The following AKT3 variants were observed in gnomAD, a reference collection of about 807,000 sequenced individuals.
AKT3 encodes the protein RAC-gamma serine/threonine-protein kinase.
A neutral mutation model predicts 65.3 loss-of-function variants in AKT3; 15 were observed. That is an observed-to-expected ratio of 0.23 (90% CI 0.15 to 0.35). The LOEUF (loss-of-function observed/expected upper bound fraction) is 0.35. AKT3 is among the 10% of genes least tolerant of loss of function. The pLI is 1.00. For synonymous variants in AKT3, 206 were observed against 183.8 expected, an observed-to-expected ratio of 1.12 and a Z score of -0.98; for missense variants, 243 against 576.5, an observed-to-expected ratio of 0.42 and a Z score of 5.92.
intron 2 of AKT3, among the ~76,000 whole-genome samples, chr1:243,744,314 A>G (rs926679305): frequency 2.0e-5 from 3 of 152,236 alleles, no homozygotes; most frequent in Non-Finnish European, 4.4e-5. Flanking sequence ...GGGAAGGCTT[A>G]TAAGGTAGTG....
intron 2 of AKT3, among the ~76,000 whole-genome samples, chr1:243,806,171 G>A (rs539958020): frequency 2.6e-5 from 4 of 152,106 alleles, no homozygotes; most frequent in African/African-American, 9.6e-5. Context: ...TGACTTCCTA[G>A]TTCTCCCTTC....
chr1:243,628,996 G>C (rs575221826), intron 6 of AKT3, among the ~76,000 whole-genome samples: 1 of 152,346 alleles, frequency 6.6e-6, no homozygotes, highest in Non-Finnish European at 1.5e-5. Context: ...AAATGGATGT[G>C]CCAGGCATGG....
intron 3 of AKT3, among the ~76,000 whole-genome samples, chr1:243,694,585 C>A (rs1047231539): frequency 6.6e-6 from 1 of 151,076 alleles, no homozygotes; most frequent in African/African-American, 2.4e-5. Flanking sequence ...TCTTTTAACC[C>A]TTTGGTTTAT....
chr1:243,608,990 G>C (rs929236883), intron 8 of AKT3, among the ~76,000 whole-genome samples: 2 of 151,670 alleles, frequency 1.3e-5, no homozygotes. Flanking sequence ...CTGACCTCGT[G>C]ATCTGCCCGC....
intron 6 of AKT3, among the ~76,000 whole-genome samples, chr1:243,625,429 G>A (rs796767170): frequency 6.6e-6 from 1 of 152,112 alleles, no homozygotes; most frequent in East Asian, 1.9e-4. Flanking sequence ...CACTGCGCCT[G>A]GCCCAGTCTG....
intron 2 of AKT3, among the ~76,000 whole-genome samples, chr1:243,726,749 T>C (rs1316393716): frequency 6.6e-6 from 1 of 152,226 alleles, no homozygotes; most frequent in African/African-American, 2.4e-5. Context: ...ATCAAACTTA[T>C]GTTTTTATTT....
intron 6 of AKT3, among the ~76,000 whole-genome samples, chr1:243,626,691 A>T (rs752325178): frequency 5.3e-5 from 8 of 152,238 alleles, no homozygotes; most frequent in Non-Finnish European, 1.0e-4. Flanking sequence ...TCTGATTCCA[A>T]AACCTATTGG....
chr1:243,802,058 T>C (rs1692410751), intron 2 of AKT3, among the ~76,000 whole-genome samples: 1 of 152,206 alleles, frequency 6.6e-6, no homozygotes, highest in Non-Finnish European at 1.5e-5. Flanking sequence ...ATTATTTCCT[T>C]TGGTTTTCAC....
chr1:243,769,108 T>C (rs1375835768), intron 2 of AKT3, among the ~76,000 whole-genome samples: 17 of 152,234 alleles, frequency 1.1e-4, no homozygotes. Context: ...ATGTAGCCTT[T>C]TGTGTGTAGT....
upstream of AKT3, among the ~76,000 whole-genome samples, chr1:243,850,734 GT>G (rs1230974497): frequency 6.6e-6 from 1 of 151,350 alleles, no homozygotes; most frequent in African/African-American, 2.4e-5. Flanking sequence ...CCCGGCCCTC[GT>G]CCTCAGGCTT....
At chr1:243,763,376 T>C (rs1373038756) in intron 2 of AKT3, among the ~76,000 whole-genome samples, 1 of 152,092 alleles carries the variant, frequency 6.6e-6, no homozygotes, top group African/African-American at 2.4e-5. Context: ...CTTTATCAAT[T>C]ATATTCAATG....
At chr1:243,822,208 CAAG>C (rs1180984560) in intron 2 of AKT3, among the ~76,000 whole-genome samples, 1 of 152,042 alleles carries the variant, frequency 6.6e-6, no homozygotes, top group African/African-American at 2.4e-5. Flanking sequence ...AGGCAGAAAT[CAAG>C]AAGTTCCTTG....
chr1:243,590,980 A>T (rs774596365), intron 8 of AKT3, among the ~76,000 whole-genome samples: 1 of 152,184 alleles, frequency 6.6e-6, no homozygotes, highest in Non-Finnish European at 1.5e-5. Flanking sequence ...TCCAGGCTGT[A>T]ACACAGGGAG....
intron 2 of AKT3, among the ~76,000 whole-genome samples, chr1:243,706,062 A>C (rs905030130): frequency 3.9e-5 from 6 of 152,184 alleles, no homozygotes; most frequent in African/African-American, 1.4e-4. Context: ...ATATTATCTA[A>C]ATATAATATC....
intron 13 of AKT3, among the ~76,000 whole-genome samples, chr1:243,510,826 T>A (rs1260942580): frequency 6.6e-6 from 1 of 152,224 alleles, no homozygotes; most frequent in Non-Finnish European, 1.5e-5. Flanking sequence ...TGTGGTCTGA[T>A]TACAGTTAGG....
At chr1:243,831,499 A>G (rs931446671) in intron 2 of AKT3, among the ~76,000 whole-genome samples, 1 of 152,244 alleles carries the variant, frequency 6.6e-6, no homozygotes, top group African/African-American at 2.4e-5. Context: ...TAGCATAACC[A>G]AAAACACAGA....
At chr1:243,509,388 G>A (rs183006383) in intron 13 of AKT3, among the ~76,000 whole-genome samples, 7 of 152,216 alleles carry the variant, frequency 4.6e-5, no homozygotes, top group South Asian at 2.1e-4. Flanking sequence ...CAAGTGCCCC[G>A]CGGGTGTCGA....
intron 8 of AKT3, among the ~76,000 whole-genome samples, chr1:243,600,375 T>C (rs1558644545): frequency 6.6e-6 from 1 of 152,040 alleles, no homozygotes; most frequent in Non-Finnish European, 1.5e-5. Flanking sequence ...AATATCAAAA[T>C]TGAAAGATTC....
At chr1:243,620,645 T>C (rs1490948831) in intron 6 of AKT3, among the ~76,000 whole-genome samples, 1 of 152,180 alleles carries the variant, frequency 6.6e-6, no homozygotes, top group Non-Finnish European at 1.5e-5. Context: ...ACTTCTTCCA[T>C]TCTCCAGCTG....
Sources: gnomAD v4.1 joint callset for allele counts (sites outside exome capture counted in the v4.1 genomes callset) on GRCh38, gnomAD v4.1.1 for gene constraint, MANE v1.5 for transcripts, NCBI Gene and HGNC (gene_info 2026-07-23, HGNC 2026-07-21) for gene names.